CTIF: variants seen among roughly 807,000 people sequenced by gnomAD.
CTIF encodes the protein cap binding complex dependent translation initiation factor.
A neutral mutation model predicts 66.0 loss-of-function variants in CTIF; 21 were observed. The observed-to-expected ratio is 0.32, with a 90% CI of 0.23 to 0.46. The LOEUF is 0.46. Among genes scored for constraint, CTIF ranks in the 20% least tolerant of loss-of-function variants. CTIF has a pLI of 1.00. For synonymous variants in CTIF, 345 were observed against 326.4 expected (o/e 1.06, Z -0.62); for missense variants, 739 against 812.7 (o/e 0.91, Z 1.10).
intron 7 of CTIF, among the ~76,000 whole-genome samples, chr18:48,732,239 G>A (rs1047238689): frequency 6.6e-6 from 1 of 152,216 alleles, no homozygotes; most frequent in Admixed American, 6.5e-5. Context: ...CTTGCCAGAG[G>A]CTGCCACGGG....
intron 5 of CTIF, among the ~76,000 whole-genome samples, chr18:48,669,746 C>T (rs1457887456): frequency 7.5e-6 from 1 of 133,668 alleles, no homozygotes; most frequent in Non-Finnish European, 1.6e-5. Context: ...ATAATACATA[C>T]ACAAGAAATA....
intron 10 of CTIF, among the ~76,000 whole-genome samples, chr18:48,844,391 A>G (rs1042141387): frequency 2.0e-5 from 3 of 152,126 alleles, no homozygotes; most frequent in Non-Finnish European, 2.9e-5. Context: ...TCTGGATCCA[A>G]TGTCTCCAGA....
chr18:48,749,117 C>G (rs1907539378), intron 7 of CTIF, among the ~76,000 whole-genome samples: 1 of 152,238 alleles, frequency 6.6e-6, no homozygotes, highest in Non-Finnish European at 1.5e-5. Flanking sequence ...AGTTTAAGGG[C>G]TGTTCCACCA....
intron 1 of CTIF, chr18:48,568,250 G>A (rs1417807177): frequency 6.6e-6 from 1 of 152,168 alleles, no homozygotes; most frequent in Non-Finnish European, 1.5e-5. Flanking sequence ...TCATATTCCT[G>A]TGAGTACATG....
intron 7 of CTIF, among the ~76,000 whole-genome samples, chr18:48,731,422 A>T (rs2092456045): frequency 6.6e-6 from 1 of 152,296 alleles, no homozygotes; most frequent in South Asian, 2.1e-4. Context: ...CCCATTTCCT[A>T]ACCCACCATT....
At chr18:48,572,088 CCTCCTCCTT>C (rs1294410923) in intron 1 of CTIF, among the ~76,000 whole-genome samples, 2 of 151,952 alleles carry the variant, frequency 1.3e-5, no homozygotes, top group Admixed American at 6.6e-5. Context: ...TCCTCCTCCT[CCTCCTCCTT>C]CTCCTCCTTC....
At chr18:48,717,501 A>C (rs900693885) in intron 7 of CTIF, among the ~76,000 whole-genome samples, 1 of 152,030 alleles carries the variant, frequency 6.6e-6, no homozygotes, top group Non-Finnish European at 1.5e-5. Context: ...CCAGACCCTA[A>C]GTGTCAGTCA....
chr18:48,627,975 A>G (rs545317892), intron 2 of CTIF, among the ~76,000 whole-genome samples: 25 of 152,192 alleles, frequency 1.6e-4, no homozygotes, highest in African/African-American at 6.0e-4. Context: ...GCAAGAGAGG[A>G]AGCAGAGACC....
chr18:48,601,886 C>G (rs568756828), intron 1 of CTIF, among the ~76,000 whole-genome samples: 1 of 152,316 alleles, frequency 6.6e-6, no homozygotes, highest in African/African-American at 2.4e-5. Context: ...AGTCCAGGCT[C>G]TGGGATTTGG....
chr18:48,549,020 A>T (rs1463397313), intron 1 of CTIF, among the ~76,000 whole-genome samples: 1 of 152,052 alleles, frequency 6.6e-6, no homozygotes, highest in African/African-American at 2.4e-5. Context: ...TCATGCTGGG[A>T]CACAGATATA....
chr18:48,762,957 T>G (rs959281212), intron 9 of CTIF, among the ~76,000 whole-genome samples: 3 of 152,214 alleles, frequency 2.0e-5, no homozygotes, highest in Non-Finnish European at 2.9e-5. Flanking sequence ...CTGGGCTGCT[T>G]CTCTCCTGCT....
intron 1 of CTIF, among the ~76,000 whole-genome samples, chr18:48,583,901 T>C (rs2089714635): frequency 6.6e-6 from 1 of 152,232 alleles, no homozygotes; most frequent in Admixed American, 6.5e-5. Flanking sequence ...TCACTTCTCT[T>C]GTGTTTAGGG....
chr18:48,791,667 C>CCCGTCTCAA (rs1208263234), intron 9 of CTIF, among the ~76,000 whole-genome samples: 2 of 152,340 alleles, frequency 1.3e-5, no homozygotes, highest in African/African-American at 2.4e-5. Context: ...AGCAGCCTGC[C>CCCGTCTCAA]CCGTCTCAAC....
chr18:48,858,825 G>GGGATCA (rs1168972489), intron 11 of CTIF, among the ~76,000 whole-genome samples: 1 of 152,202 alleles, frequency 6.6e-6, no homozygotes, highest in Non-Finnish European at 1.5e-5. Flanking sequence ...GCTGGGAGAT[G>GGGATCA]GGATCAGGAT....
chr18:48,626,655 T>TTG (rs1555657834), intron 2 of CTIF, among the ~76,000 whole-genome samples: 12 of 129,504 alleles, frequency 9.3e-5, no homozygotes, highest in Admixed American at 2.9e-4. Flanking sequence ...GTTTTTTTTT[T>TTG]GTTTTTTTTT....
intron 3 of CTIF, among the ~76,000 whole-genome samples, chr18:48,637,668 T>C (rs1262176814): frequency 2.0e-5 from 3 of 152,132 alleles, no homozygotes; most frequent in Admixed American, 1.3e-4. Context: ...TGGCCTTGGT[T>C]CTAGATCTTT....
At position 48,861,973 on chromosome 18, in the gene CTIF, G is replaced by GAAC. The variant is rs113729692; in HGVS notation, c.*2422_*2424dup. On this transcript the variant is annotated 3_prime_UTR_variant, in exon 12 of 12. Transcript: ENST00000256413. ...CTTGAAAGCGCTTCCTAGCCAATCT[G>GAAC]AACAACAACACTTTAAGCTGTTTTT... 3 of 152,128 alleles carry GAAC rather than the reference G, an allele frequency of 2.0e-5. No homozygotes were observed. Among genetic ancestry groups the GAAC allele is most frequent in the Admixed American group, 1.3e-4 (2 of 15,290 alleles). The allele number at this position is 152,128 out of a possible 1,614,324, so 9.4% of individuals were successfully genotyped here.
chr18:48,645,302 A>G (rs2091009279), intron 3 of CTIF, among the ~76,000 whole-genome samples: 1 of 151,056 alleles, frequency 6.6e-6, no homozygotes, highest in Non-Finnish European at 1.5e-5. Flanking sequence ...AATCCCAATA[A>G]AAAGCTGCTC....
chr18:48,618,346 T>G (rs2090434094), intron 1 of CTIF, among the ~76,000 whole-genome samples: 1 of 152,228 alleles, frequency 6.6e-6, no homozygotes, highest in African/African-American at 2.4e-5. Flanking sequence ...GTGTGCAGGA[T>G]TCATGTCTTC....
Sources: gnomAD v4.1 joint callset for allele counts (sites outside exome capture counted in the v4.1 genomes callset) on GRCh38, gnomAD v4.1.1 for gene constraint, MANE v1.5 for transcripts, NCBI Gene and HGNC (gene_info 2026-07-23, HGNC 2026-07-21) for gene names.